Variants in ERCC2 observed in about 807,000 individuals in gnomAD.
ERCC2 encodes the protein ERCC excision repair 2, TFIIH core complex helicase subunit, also known as general transcription and DNA repair factor IIH helicase subunit XPD.
A neutral mutation model predicts 99.4 loss-of-function variants in ERCC2; 90 were observed. The ratio of observed to expected loss-of-function variants is 0.91; its 90% CI spans 0.76 to 1.08. The LOEUF is 1.08. Among genes scored for constraint, ERCC2 ranks in the 50% least tolerant of loss-of-function variants. ERCC2 has a pLI of 0.00. For synonymous variants in ERCC2, 497 were observed against 432.4 expected, an observed-to-expected ratio of 1.15 and a Z score of -1.85; for missense variants, 993 against 1,038.1, an observed-to-expected ratio of 0.96 and a Z score of 0.60.
Position 45,351,422 on chromosome 19 carries a change from T to C in ERCC2, c.*207A>G, listed in dbSNP as rs554810258. On this transcript the variant is annotated 3_prime_UTR_variant, in exon 23 of 23. Transcript: ENST00000391945. ...GTGCAGGAGGGATGGGCTGGTGGGG[T>C]GAGAGGGGGTCTATCATCTCCTGGC... 2 of 1,592,974 alleles carry C rather than the reference T, an allele frequency of 1.3e-6. No individual in the cohort carries two copies. The highest frequency in any genetic ancestry group is 1.7e-6 in the Non-Finnish European group (2 of 1,172,938).
chr19:45,351,788 TCCCCAACCACCCC>T, intron 22 of ERCC2, 67 bp from the exon 23 acceptor site: 1 of 1,440,094 alleles, frequency 6.9e-7, no homozygotes, highest in Non-Finnish European at 9.7e-7. Flanking sequence ...CTGCTGCACT[TCCCCAACCACCCC>T]CCCGAATGGC....
intron 11 of ERCC2, among the ~76,000 whole-genome samples, chr19:45,362,115 G>A (rs3916822): frequency 5.3e-5 from 8 of 151,948 alleles, no homozygotes; most frequent in Admixed American, 1.3e-4. Context: ...TAGTAGAGAC[G>A]GACTTTCACT....
At chr19:45,356,302 ATTTCTT>A (rs918329410) in intron 15 of ERCC2, among the ~76,000 whole-genome samples, 102 of 152,214 alleles carry the variant, frequency 6.7e-4, no homozygotes, top group Middle Eastern at 3.4e-3. Flanking sequence ...CTCTGAACAC[ATTTCTT>A]TTTCAAGTTT....
Position 45,351,325 on chromosome 19 carries a change from A to G in ERCC2, c.*304T>C, listed in dbSNP as rs565460302. On this transcript the variant is annotated 3_prime_UTR_variant, in exon 23 of 23. Coordinates refer to ENST00000391945, the MANE Select transcript of ERCC2 (RefSeq NM_000400.4). ...CCTGGACAAGGCCCCTCGGACCCTC[A>G]GCGCCAGCACCCAGGACCTGAGCCC... 4.3e-6 allele frequency: 7 copies of G among 1,612,058 alleles called. No homozygotes were observed. In the South Asian group the frequency reaches 7.7e-5, roughly 18 times the overall value.
rs753889198 is a variant in ERCC2, at chr19:45,364,301, T to C, written c.749A>G (p.Asn250Ser). The C allele has an allele frequency of 1.1e-5, 18 of 1,613,786 alleles. No homozygotes were observed. The highest frequency in any genetic ancestry group is 8.9e-5 in the East Asian group (4 of 44,878). Reference protein sequence around the residue: ...DNVCIDSMSVNLTRRTLDRCQ... With the variant: ...DNVCIDSMSVSLTRRTLDRCQ... ...CCGGTCAAGGGTCCGGCGGGTGAGG[T>C]TGACGCTCATGGAGTCGATGCAGAC... The change falls in exon 9 of 23, where the codon AAC (asparagine) becomes AGC (serine). Residue 250 changes from asparagine (N) to serine (S), a missense_variant. Transcript: ENST00000391945.
intron 5 of ERCC2, among the ~76,000 whole-genome samples, 174 bp from the exon 6 acceptor site, chr19:45,365,332 T>C (rs577048537): frequency 4.6e-5 from 7 of 152,182 alleles, no homozygotes; most frequent in African/African-American, 7.2e-5. Flanking sequence ...AGTAGTAAAA[T>C]TGGGCTGGGC....
At chr19:45,355,783 A>T in intron 15 of ERCC2, 55 bp from the exon 16 acceptor site, 163 of 1,139,982 alleles carry the variant, frequency 1.4e-4, no homozygotes, top group Non-Finnish European at 2.0e-4. Flanking sequence ...CTCCAGCGTG[A>T]GTGCTGACCA....
chr19:45,354,470 C>T (rs139804940), intron 17 of ERCC2, among the ~76,000 whole-genome samples: 12 of 152,318 alleles, frequency 7.9e-5, no homozygotes, highest in East Asian at 1.9e-4. Flanking sequence ...GAACCTAGAA[C>T]GTGGGGGTGA....
Position 45,352,815 on chromosome 19 carries a change from C to T in ERCC2, c.1833G>A (p.Val611=). The T allele has an allele frequency of 1.9e-6, 3 of 1,613,438 alleles. No homozygotes were observed. The highest frequency in any genetic ancestry group is 1.1e-5 in the South Asian group (1 of 91,056). The change falls in exon 20 of 23, where the codon GTG becomes GTA. Residue 611 remains valine, a splice_region_variant and synonymous_variant. Transcript: ENST00000391945. ...TGATGACGGCCCGCCCGTAGTGGTG[C>T]ACTGGTGGGCAGAGGAGAGGGGGCG... ...RGKVSEGIDF[V]HHYGRAVIMF...
chr19:45,352,084 A>G (rs1178998180), intron 22 of ERCC2, 125 bp downstream of exon 22: 1 of 1,165,280 alleles, frequency 8.6e-7, no homozygotes, highest in Admixed American at 2.0e-5. Flanking sequence ...ATGCACGATA[A>G]ACTTCTCTTT....
intron 5 of ERCC2, among the ~76,000 whole-genome samples, chr19:45,367,621 A>G (rs3916801): frequency 0.65 from 97,141 of 150,418 alleles, 33,234 homozygotes; most frequent in African/African-American, 0.89. Flanking sequence ...GAGTTCGAGC[A>G]ATTCTCCTGT....
rs745770069 is a variant in ERCC2 at position 45,350,984 on chromosome 19, G to A, written c.*645C>T. ...AGAGAGCCATGTCACTCAACACACT[G>A]AACGTGGATGCTCCAAGGGCTCCTG... On this transcript the variant is annotated 3_prime_UTR_variant, in exon 23 of 23. Coordinates refer to ENST00000391945, the MANE Select transcript of ERCC2 (RefSeq NM_000400.4). 1.2e-6 allele frequency: 2 copies of A among 1,614,134 alleles called. No homozygotes were observed. Among genetic ancestry groups the A allele is most frequent in the Non-Finnish European group, 1.7e-6 (2 of 1,180,028 alleles).
rs773644336 is a variant in ERCC2, at chr19:45,370,527, C to T, written c.5+9G>A. 4 of 1,591,756 alleles carry T rather than the reference C, an allele frequency of 2.5e-6. No homozygotes were observed. The highest frequency in any genetic ancestry group is 3.4e-6 in the Non-Finnish European group (4 of 1,174,218). On this transcript the variant is annotated intron_variant, in intron 1 of 22. Transcript: ENST00000391945. Reference sequence around the variant, plus strand: ...CGCTAGCGAGCGCGACCCCCAGCCCCCTTCTCACTTCATGGCGCCGGCCGG... The same window carrying T: ...CGCTAGCGAGCGCGACCCCCAGCCCTCTTCTCACTTCATGGCGCCGGCCGG...
In ERCC2 at chr19:45,363,987, C is replaced by A. The variant is rs753430730; in HGVS notation, c.948G>T (p.Gln316His). ...ANPVLPDEVLQEAVPGSIRTA... is the reference protein window; with the variant it reads ...ANPVLPDEVLHEAVPGSIRTA... The stretch of plus-strand genomic sequence containing the variant: ...GGGCAGCGGGGGGTCGGGGCTCACC[C>A]TGCAGCACTTCGTCGGGCAGCACGG... Residue 316 changes from glutamine to histidine, a missense_variant and splice_region_variant, in exon 10 of 23, where the codon CAG (glutamine) becomes CAT (histidine). Physicochemically the swap from Gln to His is conservative, Grantham distance 24. This residue lies in a region of ERCC2 where 909 missense variants were observed against 930.8 expected (regional missense o/e 0.98). Coordinates refer to ENST00000391945, the MANE Select transcript of ERCC2 (RefSeq NM_000400.4). The A allele has an allele frequency of 3.2e-6, 5 of 1,541,042 alleles. No homozygotes were observed. The highest frequency in any genetic ancestry group is 4.4e-6 in the Non-Finnish European group (5 of 1,147,042).
intron 11 of ERCC2, among the ~76,000 whole-genome samples, chr19:45,362,143 C>T (rs1445351426): frequency 1.3e-5 from 2 of 152,150 alleles, no homozygotes; most frequent in African/African-American, 2.4e-5. Context: ...CCAGGCTGGT[C>T]TTGAACTTCT....
In ERCC2 at chr19:45,352,628, C is replaced by G. The variant is rs780605359; in HGVS notation, c.1924G>C (p.Asp642His). 1.9e-6 allele frequency: 3 copies of G among 1,613,910 alleles called. 1 individual carries two copies. In the South Asian group the frequency reaches 3.3e-5, roughly 18 times the overall value. Residue 642 changes from aspartate (D) to histidine (H), a missense_variant, in exon 21 of 23, where the codon GAC becomes CAC. Transcript: ENST00000391945. ...TCATTCTCACGAATCTGGAACTGGTCCCGCAGGTATTCCAGCCGCGCCTGC... is the reference window on the plus strand; with the variant it reads ...TCATTCTCACGAATCTGGAACTGGTGCCGCAGGTATTCCAGCCGCGCCTGC... ...ILKARLEYLR[D>H]QFQIRENDFL... is the part of the protein sequence containing the mutation.
chr19:45,353,385 G>C (rs1317995640), intron 17 of ERCC2, 51 bp from the exon 18 acceptor site: 1 of 1,288,398 alleles, frequency 7.8e-7, no homozygotes, highest in East Asian at 2.4e-5. Context: ...CAGCCATCCT[G>C]GTTACATCCA....
In ERCC2 at chr19:45,351,529, C is replaced by CCTGA; in HGVS notation, c.*96_*99dup. 6.2e-7 allele frequency: 1 copy of CCTGA among 1,602,940 alleles called. No homozygotes were observed. Among genetic ancestry groups the CCTGA allele is most frequent in the South Asian group, 1.1e-5 (1 of 90,934 alleles). On this transcript the variant is annotated 3_prime_UTR_variant, in exon 23 of 23. Transcript: ENST00000391945. Reference sequence around the variant, plus strand: ...GTGGACGTGACAGTGAGAAATGTCACCTGACTTCATAAGACCTTCTAGCAC... The same window carrying CCTGA: ...GTGGACGTGACAGTGAGAAATGTCACCTGACTGACTTCATAAGACCTTCTAGCAC...
intron 19 of ERCC2, 80 bp from the exon 20 acceptor site, chr19:45,352,896 GCTGTGT>G: frequency 7.1e-7 from 1 of 1,405,112 alleles, no homozygotes; most frequent in Non-Finnish European, 1.0e-6. Flanking sequence ...GACCCAGGAT[GCTGTGT>G]CTGAGTTGGG....
Sources: allele counts gnomAD v4.1 joint callset (sites outside exome capture counted in the v4.1 genomes callset), GRCh38; gene constraint gnomAD v4.1.1; regional missense constraint gnomAD v4.1.1; transcripts MANE v1.5; gene names NCBI Gene and HGNC (gene_info 2026-07-23, HGNC 2026-07-21).